The following EXOC7 variants were observed in gnomAD, a reference collection of about 807,000 sequenced individuals.
EXOC7 encodes the protein exocyst complex component Exo70.
Under a neutral mutation model 87.6 loss-of-function variants are expected in EXOC7, and 51 were observed. That is an observed-to-expected ratio of 0.58 (90% CI 0.46 to 0.73). The LOEUF is 0.73. Ranked by LOEUF, EXOC7 falls within the 30% of genes least tolerant of loss-of-function variation. The probability of loss-of-function intolerance (pLI) is 0.00; values close to 1 mark genes in which losing one functional copy is unlikely to be tolerated. For missense variants in EXOC7, 744 were observed against 888.4 expected (o/e 0.84, Z 2.07); for synonymous variants, 327 against 357.1 (o/e 0.92, Z 0.95).
Position 76,083,300 on chromosome 17 carries a change from G to A in EXOC7, c.*348C>T. On this transcript the variant is annotated 3_prime_UTR_variant, in exon 19 of 19. Coordinates refer to ENST00000589210, the MANE Select transcript of EXOC7 (RefSeq NM_001013839.4). ...TCCCCACCTCTGACCTAGGCTGGAG[G>A]GAGGGCCCTTCTGCCCTGCTGCTCT... 3.8e-6 allele frequency: 1 copy of A among 261,838 alleles called. No individual in the cohort carries two copies. The highest frequency in any genetic ancestry group is 7.4e-6 in the Non-Finnish European group (1 of 134,266). 16.2% of individuals were successfully genotyped at this position (261,838 alleles called of 1,614,324 possible). A position where few individuals can be genotyped will look rare whatever the true frequency, so the allele number is the denominator to read the frequency against.
Position 76,091,111 on chromosome 17 carries a change from G to A in EXOC7, c.901+32C>T, listed in dbSNP as rs376522020. On this transcript the variant is annotated intron_variant, in intron 7 of 18. Coordinates refer to ENST00000589210, the MANE Select transcript of EXOC7 (RefSeq NM_001013839.4). ...AGTGCGTGGACACACAGTGGAGGAG[G>A]AAGGGACAGGAGGGGAACACAGGGT... 4.6e-5 allele frequency: 72 copies of A among 1,581,354 alleles called. No individual in the cohort carries two copies. In the African/African-American group the frequency reaches 9.5e-4, roughly 21 times the overall value.
chr17:76,088,351 T>C, intron 10 of EXOC7, 113 bp downstream of exon 10: 4 of 1,131,012 alleles, frequency 3.5e-6, no homozygotes, highest in Non-Finnish European at 5.2e-6. Flanking sequence ...GTGGCGCAGC[T>C]GGCTGCCCCG....
chr17:76,084,777 A>G (rs2067136074), intron 15 of EXOC7, 197 bp from the exon 16 acceptor site: 1 of 599,190 alleles, frequency 1.7e-6, no homozygotes, highest in East Asian at 2.8e-5. Context: ...TAACATTAGG[A>G]AACACTTGAG....
chr17:76,089,566 G>C (rs2067381392), intron 7 of EXOC7: 1 of 563,166 alleles, frequency 1.8e-6, no homozygotes, highest in Admixed American at 3.1e-5. Flanking sequence ...AGTGGGATCA[G>C]ACACCAGAGG....
At chr17:76,084,790 T>C (rs2665985) in intron 15 of EXOC7, 350,607 of 588,154 alleles carry the variant, frequency 0.6, 105,694 homozygotes, top group South Asian at 0.7. Flanking sequence ...CACTTGAGTG[T>C]TCAATAAATT....
rs200200456 is a variant in EXOC7 at position 76,097,424 on chromosome 17, C to A, written c.640+372G>T. ...CAGGTGGATTAAAGAATAAAGGGGG[C>A]CAGGCATGGTGGCTCACATCTGTAA... On this transcript the variant is annotated intron_variant, in intron 5 of 18. Transcript: ENST00000589210. Among the ~76,000 whole-genome samples, 6 of 152,156 alleles carry A rather than the reference C, an allele frequency of 3.9e-5. No homozygotes were observed. The East Asian group carries it at 1.2e-3, about 29-fold the overall frequency.
At chr17:76,090,042 C>T (rs1290096924) in intron 7 of EXOC7, among the ~76,000 whole-genome samples, 2 of 152,234 alleles carry the variant, frequency 1.3e-5, no homozygotes, top group Non-Finnish European at 2.9e-5. Flanking sequence ...AGGAGGCGGA[C>T]GTCAGGGCTC....
rs1598306056 is a variant in EXOC7 at position 76,088,420 on chromosome 17, G to A, written c.1299+44C>T. Reference sequence around the variant, plus strand: ...AGTCCCCCAGGGCCAGGTCACTGTGGTGCTGGGCCGGGAGGGAGGGAGAAA... The same window carrying A: ...AGTCCCCCAGGGCCAGGTCACTGTGATGCTGGGCCGGGAGGGAGGGAGAAA... On this transcript the variant is annotated intron_variant, in intron 10 of 18. Coordinates refer to ENST00000589210, the MANE Select transcript of EXOC7 (RefSeq NM_001013839.4). 1.9e-6 allele frequency: 3 copies of A among 1,575,094 alleles called. No individual in the cohort carries two copies. In the East Asian group the frequency reaches 6.8e-5, roughly 36 times the overall value.
chr17:76,101,568 G>A, intron 3 of EXOC7, 111 bp downstream of exon 3: 1 of 1,406,132 alleles, frequency 7.1e-7, no homozygotes, highest in Non-Finnish European at 9.7e-7. Flanking sequence ...TGAACTCCTA[G>A]TCTCAAGCGA....
At chr17:76,089,117 G>C in intron 8 of EXOC7, 58 bp downstream of exon 8, 1 of 1,605,274 alleles carries the variant, frequency 6.2e-7, no homozygotes, top group Non-Finnish European at 8.5e-7. Context: ...GGCTGCAAGA[G>C]TCTGTTGTGA....
rs1230829163 is a variant in EXOC7 at position 76,082,010 on chromosome 17, C to A, written c.*1638G>T. The A allele has an allele frequency of 6.2e-7, 1 of 1,611,380 alleles. No individual in the cohort carries two copies. Among genetic ancestry groups the A allele is most frequent in the Admixed American group, 1.7e-5 (1 of 59,524 alleles). On this transcript the variant is annotated 3_prime_UTR_variant, in exon 19 of 19. Transcript: ENST00000589210. ...CCCCAGCCCAGCCCCGAGAGGGGAA[C>A]AGCGAGAGCACGGCAACCCAGGGCC...
chr17:76,086,970 A>T, intron 12 of EXOC7: 1 of 1,350,748 alleles, frequency 7.4e-7, no homozygotes, highest in South Asian at 1.3e-5. Flanking sequence ...AGTGCAAAAA[A>T]CAGGTTAGAA....
intron 15 of EXOC7, 67 bp from the exon 16 acceptor site, chr17:76,084,647 TTGCTAAATCTC>T: frequency 6.9e-7 from 1 of 1,442,926 alleles, no homozygotes; most frequent in East Asian, 2.3e-5. Flanking sequence ...CTTGTTTCGT[TTGCTAAATCTC>T]TGGATCTACT....
At chr17:76,087,805 C>A in intron 11 of EXOC7, 85 bp from the exon 12 acceptor site, 2 of 1,429,008 alleles carry the variant, frequency 1.4e-6, no homozygotes, top group South Asian at 1.2e-5. Flanking sequence ...GTGCCCAGGG[C>A]CAGCCCAGGG....
chr17:76,090,881 C>T, intron 7 of EXOC7: 1 of 556,420 alleles, frequency 1.8e-6, no homozygotes, highest in Non-Finnish European at 3.2e-6. Flanking sequence ...TGAGTTCACA[C>T]AGGAGACAAG....
chr17:76,081,445 C>A lies in EXOC7; in HGVS notation c.*2203G>T. On this transcript the variant is annotated 3_prime_UTR_variant, in exon 19 of 19. Coordinates refer to ENST00000589210, the MANE Select transcript of EXOC7 (RefSeq NM_001013839.4). Reference sequence around the variant, plus strand: ...GAGGCCGACAGAGGGCTGCTGGAGGCGGGTGGGAGTGAGGATGCACGGCCA... The same window carrying A: ...GAGGCCGACAGAGGGCTGCTGGAGGAGGGTGGGAGTGAGGATGCACGGCCA... 7 of 1,612,234 alleles carry A rather than the reference C, an allele frequency of 4.3e-6. No homozygotes were observed. The highest frequency in any genetic ancestry group is 5.9e-6 in the Non-Finnish European group (7 of 1,179,246).
chr17:76,103,041 C>G, intron 2 of EXOC7: 1 of 323,350 alleles, frequency 3.1e-6, no homozygotes, highest in Non-Finnish European at 5.8e-6. Flanking sequence ...AGTCCACTGA[C>G]AATGACATAT....
intron 9 of EXOC7, 35 bp from the exon 10 acceptor site, chr17:76,088,597 C>T (rs2067322336): frequency 1.2e-6 from 2 of 1,602,420 alleles, no homozygotes; most frequent in Non-Finnish European, 1.7e-6. Context: ...AGCTCACCTC[C>T]AGTCGCTCTG....
intron 7 of EXOC7, among the ~76,000 whole-genome samples, chr17:76,090,152 C>T (rs1480386666): frequency 1.3e-5 from 2 of 152,238 alleles, no homozygotes; most frequent in Non-Finnish European, 2.9e-5. Context: ...GCACTCCCAT[C>T]TGGAGAGAGG....
Sources: gnomAD v4.1 joint callset for allele counts (sites outside exome capture counted in the v4.1 genomes callset) on GRCh38, gnomAD v4.1.1 for gene constraint, MANE v1.5 for transcripts, NCBI Gene and HGNC (gene_info 2026-07-23, HGNC 2026-07-21) for gene names.